The following RELN variants were observed in gnomAD, a reference collection of about 807,000 sequenced individuals.
The protein encoded by RELN is reelin.
RELN carries 108 observed loss-of-function variants against 427.6 expected under a neutral mutation model. The ratio of observed to expected loss-of-function variants is 0.25; its 90% CI spans 0.22 to 0.30. The LOEUF (loss-of-function observed/expected upper bound fraction) is 0.30, where lower values mean the gene tolerates loss of function less well. Ranked by LOEUF, RELN falls within the 10% of genes least tolerant of loss-of-function variation. The pLI is 1.00. For synonymous variants in RELN, 1,524 were observed against 1,513.4 expected, an observed-to-expected ratio of 1.01 and a Z score of -0.16; for missense variants, 3,715 against 4,302.8, an observed-to-expected ratio of 0.86 and a Z score of 3.82.
chr7:103,648,081 A>C (rs1292366555), intron 16 of RELN, among the ~76,000 whole-genome samples: 1 of 152,018 alleles, frequency 6.6e-6, no homozygotes, highest in Non-Finnish European at 1.5e-5. Flanking sequence ...AATGTAAGAT[A>C]TGAAACTATA....
rs116119591 is a variant in RELN, at chr7:103,596,538, C to T, written c.3457G>A (p.Val1153Ile). ...CCATTGTTGCTGTACTGAAGGAGGA[C>T]GCCCTCCTCTCTGCTGTCAGGCTTG... The part of the protein sequence containing the change: ...CNKPDSREEG[V>I]LLQYSNNGGI... The change falls in exon 25 of 65, where the codon GTC becomes ATC. Residue 1153 changes from valine to isoleucine, a missense_variant. By Grantham distance (29) the Val-to-Ile change is conservative (BLOSUM62 3). Around this residue, in one of 4 missense-constraint regions of RELN, gnomAD observed 2,208 missense variants for 2,361.7 expected, o/e 0.93. Transcript: ENST00000428762. The T allele has an allele frequency of 2.0e-5, 32 of 1,613,980 alleles. No individual in the cohort carries two copies. The East Asian group carries it at 3.1e-4, about 16-fold the overall frequency.
intron 1 of RELN, among the ~76,000 whole-genome samples, chr7:103,935,702 A>G (rs1419570791): frequency 6.6e-6 from 1 of 152,200 alleles, no homozygotes; most frequent in Non-Finnish European, 1.5e-5. Context: ...ATGACATTTA[A>G]ATTCAACCTG....
chr7:103,500,858 G>T lies in RELN; in HGVS notation c.8554C>A (p.Leu2852Met), dbSNP rs771246868. ...DMQWAIDNFY[L>M]GPGCLDNCRG... ...CAGTTGTCCAAGCATCCAGGGCCCA[G>T]GTAGAAATTATCGATTGCCCACTGC... is the stretch of plus-strand genomic sequence containing the variant. The change falls in exon 53 of 65, where the codon CTG (leucine) becomes ATG (methionine). Residue 2852 changes from leucine to methionine, a missense_variant. Physicochemically the swap from Leu to Met is conservative, Grantham distance 15. Around this residue, in one of 4 missense-constraint regions of RELN, gnomAD observed 1,310 missense variants for 1,643.0 expected, o/e 0.80. Transcript: ENST00000428762. 1.9e-6 allele frequency: 3 copies of T among 1,614,072 alleles called. No individual in the cohort carries two copies. The South Asian group carries it at 3.3e-5, about 18-fold the overall frequency.
intron 16 of RELN, among the ~76,000 whole-genome samples, chr7:103,649,804 A>T (rs1832875438): frequency 1.3e-5 from 2 of 152,022 alleles, no homozygotes; most frequent in African/African-American, 4.8e-5. Flanking sequence ...AAAAGGAGGT[A>T]AAAGTTTCAC....
intron 4 of RELN, among the ~76,000 whole-genome samples, chr7:103,766,862 C>G (rs577171484): frequency 1.3e-5 from 2 of 152,198 alleles, no homozygotes; most frequent in Non-Finnish European, 2.9e-5. Flanking sequence ...TAAGCCTGAC[C>G]TCTTTCCTCC....
chr7:103,820,261 C>A (rs979598850), intron 3 of RELN, among the ~76,000 whole-genome samples: 1 of 151,914 alleles, frequency 6.6e-6, no homozygotes, highest in African/African-American at 2.4e-5. Flanking sequence ...AGAAAATCAT[C>A]AACGCCATAG....
chr7:103,489,022 A>G (rs769633874), intron 60 of RELN, among the ~76,000 whole-genome samples: 2 of 152,230 alleles, frequency 1.3e-5, no homozygotes, highest in African/African-American at 2.4e-5. Flanking sequence ...CTTTGTAATG[A>G]TAGAGGCTGA....
At chr7:103,744,002 C>T (rs1472434616) in intron 6 of RELN, among the ~76,000 whole-genome samples, 1 of 152,170 alleles carries the variant, frequency 6.6e-6, no homozygotes, top group Non-Finnish European at 1.5e-5. Context: ...AAATTGACCA[C>T]ATAGTTGGAA....
intron 3 of RELN, among the ~76,000 whole-genome samples, chr7:103,822,491 C>T (rs1793038595): frequency 6.6e-6 from 1 of 151,930 alleles, no homozygotes; most frequent in South Asian, 2.1e-4. Context: ...TAGCTGTCAC[C>T]AGCACATGCC....
chr7:103,482,105 G>T (rs1828261957), intron 63 of RELN: 1 of 152,094 alleles, frequency 6.6e-6, no homozygotes, highest in African/African-American at 2.4e-5. Flanking sequence ...ACTTAAATTT[G>T]CTTGCAAATT....
At chr7:103,501,902 ACTAT>A (rs758348591) in intron 52 of RELN, among the ~76,000 whole-genome samples, 2 of 152,118 alleles carry the variant, frequency 1.3e-5, no homozygotes, top group Non-Finnish European at 2.9e-5. Flanking sequence ...AACAAAAGCA[ACTAT>A]CTTTCTTTCT....
In RELN at chr7:103,497,911, C is replaced by G; in HGVS notation, c.8859G>C (p.Trp2953Cys). ...TGTTGTTCTCACTACCGATGCGCCC[C>G]CAGTATTGCAGGAACCTGAATGCAA... Reference protein sequence around the residue: ...DLRGAKFLQYWGRIGSENNMT... With the variant: ...DLRGAKFLQYCGRIGSENNMT... Residue 2953 changes from tryptophan (W) to cysteine (C), a missense_variant, in exon 55 of 65, where the codon TGG becomes TGC. By Grantham distance (215) the Trp-to-Cys change is radical (BLOSUM62 -2). Around this residue, in one of 4 missense-constraint regions of RELN, gnomAD observed 1,310 missense variants for 1,643.0 expected, o/e 0.80. Transcript: ENST00000428762. The G allele has an allele frequency of 6.2e-7, 1 of 1,614,036 alleles. No homozygotes were observed. Among genetic ancestry groups the G allele is most frequent in the East Asian group, 2.2e-5 (1 of 44,872 alleles).
chr7:103,862,438 T>TCTATCTAA (rs1563057153), intron 2 of RELN, among the ~76,000 whole-genome samples: 1 of 151,838 alleles, frequency 6.6e-6, no homozygotes, highest in East Asian at 1.9e-4. Flanking sequence ...TATCTATCTA[T>TCTATCTAA]CTATCTATCT....
chr7:103,538,965 A>C, intron 45 of RELN, 113 bp downstream of exon 45: 1 of 1,168,892 alleles, frequency 8.6e-7, no homozygotes, highest in Non-Finnish European at 1.3e-6. Context: ...CTCAAAGTGC[A>C]CTTGTGTTTT....
In RELN at chr7:103,636,181, A is replaced by G. The variant is rs376974446; in HGVS notation, c.2303+54T>C. ...AGAAATAAAAATGGACAGTATAACT[A>G]AATTCAACATTAGTATCTGGTTTTT... is the stretch of plus-strand genomic sequence containing the variant. On this transcript the variant is annotated intron_variant, in intron 18 of 64. Coordinates refer to ENST00000428762, the MANE Select transcript of RELN (RefSeq NM_005045.4). 5.0e-5 allele frequency: 58 copies of G among 1,170,854 alleles called. 1 individual carries two copies. In the African/African-American group the frequency reaches 5.2e-4, roughly 10 times the overall value. The allele number at this position is 1,170,854 out of a possible 1,614,324, so 72.5% of individuals were successfully genotyped here. A position where few individuals can be genotyped will look rare whatever the true frequency, so the allele number is the denominator to read the frequency against.
At position 103,497,727 on chromosome 7, in the gene RELN, G is replaced by T. The variant is rs558394527; in HGVS notation, c.8950+93C>A. ...TTGTGAGTTTCACAATTCAAACTGTGAAGTCAGCAAAGCTTTGCAGAGACT... is the reference window on the plus strand; with the variant it reads ...TTGTGAGTTTCACAATTCAAACTGTTAAGTCAGCAAAGCTTTGCAGAGACT... On this transcript the variant is annotated intron_variant, in intron 55 of 64. Coordinates refer to ENST00000428762, the MANE Select transcript of RELN (RefSeq NM_005045.4). The T allele has an allele frequency of 2.0e-5, 20 of 1,010,346 alleles. No homozygotes were observed. The East Asian group carries it at 3.4e-4, about 17-fold the overall frequency. The allele number at this position is 1,010,346 out of a possible 1,614,324, so 62.6% of individuals were successfully genotyped here.
chr7:103,672,833 CTTGT>C (rs1227133727), intron 11 of RELN, among the ~76,000 whole-genome samples: 3 of 151,992 alleles, frequency 2.0e-5, no homozygotes, highest in Admixed American at 6.6e-5. Flanking sequence ...TAATTTTTAA[CTTGT>C]TTATTATGTG....
intron 2 of RELN, among the ~76,000 whole-genome samples, chr7:103,848,165 A>G (rs1793726303): frequency 6.6e-6 from 1 of 152,172 alleles, no homozygotes; most frequent in South Asian, 2.1e-4. Flanking sequence ...CCTCTTGTTC[A>G]TCACTTCTAC....
intron 38 of RELN, among the ~76,000 whole-genome samples, chr7:103,556,331 G>T (rs538783482): frequency 1.2e-4 from 18 of 151,868 alleles, no homozygotes; most frequent in African/African-American, 4.1e-4. Flanking sequence ...GATAATGCTG[G>T]ATTATTTTTA....
Sources: gnomAD v4.1 joint callset for allele counts (sites outside exome capture counted in the v4.1 genomes callset) on GRCh38, gnomAD v4.1.1 for gene constraint, gnomAD v4.1.1 regional missense constraint, MANE v1.5 for transcripts, NCBI Gene and HGNC (gene_info 2026-07-23, HGNC 2026-07-21) for gene names.